The following ZDHHC23 variants were observed in gnomAD, a reference collection of about 807,000 sequenced individuals.
ZDHHC23 encodes palmitoyltransferase ZDHHC23.
A neutral mutation model predicts 40.2 loss-of-function variants in ZDHHC23; 41 were observed. That is an observed-to-expected ratio of 1.02 (90% CI 0.79 to 1.32). The LOEUF is 1.32. Among genes scored for constraint, ZDHHC23 ranks in the 40% most tolerant of loss-of-function variants. The probability of loss-of-function intolerance (pLI) is 0.00; values close to 1 mark genes in which losing one functional copy is unlikely to be tolerated. For missense variants in ZDHHC23, 471 were observed against 541.5 expected, an observed-to-expected ratio of 0.87 and a Z score of 1.29; for synonymous variants, 204 against 210.2, an observed-to-expected ratio of 0.97 and a Z score of 0.26.
chr3:113,953,976 G>C lies in ZDHHC23; in HGVS notation c.438G>C (p.Leu146=). Residue 146 remains leucine, a synonymous_variant, in exon 3 of 5, where the codon CTG becomes CTC. Coordinates refer to ENST00000638807, the MANE Select transcript of ZDHHC23 (RefSeq NM_001320466.2). ...EQTLFFLSLG[L]FSLGYMYYVF... is the part of the protein sequence containing the mutation. ...CCCTGTTTTTCCTGAGCCTTGGACT[G>C]TTCTCTCTGGGCTACATGTACTATG... 3.7e-6 allele frequency: 6 copies of C among 1,614,136 alleles called. No homozygotes were observed. Among genetic ancestry groups the C allele is most frequent in the Non-Finnish European group, 5.1e-6 (6 of 1,180,038 alleles).
At chr3:113,955,962 G>A (rs1489191425) in intron 3 of ZDHHC23, among the ~76,000 whole-genome samples, 2 of 152,204 alleles carry the variant, frequency 1.3e-5, no homozygotes. Flanking sequence ...ACCTTGTCTT[G>A]GCTGGGCGCA....
chr3:113,958,842 T>A lies in ZDHHC23; in HGVS notation c.*212T>A. 1 of 1,381,170 alleles carries A rather than the reference T, an allele frequency of 7.2e-7. No homozygotes were observed. Among genetic ancestry groups the A allele is most frequent in the Non-Finnish European group, 9.5e-7 (1 of 1,049,930 alleles). The allele number at this position is 1,381,170 out of a possible 1,614,324, so 85.6% of individuals were successfully genotyped here. ...AGGCAGTAAAAGTAGAGCCATTCCT[T>A]TCCAGTCACCTTTTTAATTGACTCA... is the stretch of plus-strand genomic sequence containing the variant. On this transcript the variant is annotated 3_prime_UTR_variant, in exon 5 of 5. Transcript: ENST00000638807.
Position 113,959,590 on chromosome 3 carries a change from T to C in ZDHHC23, c.*960T>C, listed in dbSNP as rs1196956275. ...AGACACTCCTGTGGGGATGCTTTACTCTCTTTTCTGGTAGGAAGGCTGAGT... is the reference window on the plus strand; with the variant it reads ...AGACACTCCTGTGGGGATGCTTTACCCTCTTTTCTGGTAGGAAGGCTGAGT... On this transcript the variant is annotated 3_prime_UTR_variant, in exon 5 of 5. Coordinates refer to ENST00000638807, the MANE Select transcript of ZDHHC23 (RefSeq NM_001320466.2). 6 of 1,219,274 alleles carry C rather than the reference T, an allele frequency of 4.9e-6. No homozygotes were observed. The highest frequency in any genetic ancestry group is 1.5e-5 in the African/African-American group (1 of 65,146). 75.5% of individuals were successfully genotyped at this position (1,219,274 alleles called of 1,614,324 possible).
chr3:113,963,671 G>A (rs1174353596), downstream of ZDHHC23, among the ~76,000 whole-genome samples: 15 of 151,510 alleles, frequency 9.9e-5, no homozygotes, highest in Admixed American at 5.9e-4. Flanking sequence ...GAGAGGTCCA[G>A]GATTCAGTGA....
the ZDHHC23 span, among the ~76,000 whole-genome samples, chr3:113,970,781 T>C: frequency 1.3e-5 from 2 of 151,600 alleles, no homozygotes; most frequent in Admixed American, 6.6e-5. Context: ...TGTGTTCTCA[T>C]TGTCCAATTC....
Position 113,958,798 on chromosome 3 carries a change from T to G in ZDHHC23, c.*168T>G. ...AAGTTAATTTTTCTGACGCCACAAC[T>G]TAAGAGACTTTTATACTGAGGCAGT... On this transcript the variant is annotated 3_prime_UTR_variant, in exon 5 of 5. Transcript: ENST00000638807. 6.7e-7 allele frequency: 1 copy of G among 1,495,044 alleles called. No homozygotes were observed. The highest frequency in any genetic ancestry group is 9.0e-7 in the Non-Finnish European group (1 of 1,116,656). The allele number at this position is 1,495,044 out of a possible 1,614,324, so 92.6% of individuals were successfully genotyped here.
At chr3:113,952,715 A>G (rs1419917055) in intron 2 of ZDHHC23, among the ~76,000 whole-genome samples, 1 of 152,216 alleles carries the variant, frequency 6.6e-6, no homozygotes, top group East Asian at 1.9e-4. Flanking sequence ...TATTGCTCAC[A>G]GTTCTGGAGG....
In ZDHHC23 at chr3:113,953,709, A is replaced by ATGT; in HGVS notation, c.172_174dup (p.Cys58dup). 6.2e-7 allele frequency: 1 copy of ATGT among 1,612,896 alleles called. No homozygotes were observed. On this transcript the variant is annotated inframe_insertion, in exon 3 of 5. Coordinates refer to ENST00000638807, the MANE Select transcript of ZDHHC23 (RefSeq NM_001320466.2). ...TGCTTTTTCTGAATAGATGGATTAC[A>ATGT]TGTAAATCTTTACAGCCAGAGACTT...
chr3:113,952,102 A>G (rs532995938), intron 2 of ZDHHC23, among the ~76,000 whole-genome samples: 2 of 151,862 alleles, frequency 1.3e-5, no homozygotes, highest in African/African-American at 4.8e-5. Context: ...GCGCCATTGC[A>G]CTCCAGCCTG....
the ZDHHC23 span, chr3:113,978,097 C>T: frequency 1.4e-6 from 2 of 1,442,592 alleles, no homozygotes; most frequent in African/African-American, 2.8e-5. Context: ...GCCTCCAGCT[C>T]ATCTCTGCAG....
At chr3:113,970,837 G>A in the ZDHHC23 span, among the ~76,000 whole-genome samples, 36 of 152,102 alleles carry the variant, frequency 2.4e-4, no homozygotes, top group African/African-American at 6.5e-4. Flanking sequence ...TTGTCCTTGC[G>A]ATAGTTTGCT....
At chr3:113,966,585 C>T (rs779054028), downstream of ZDHHC23, among the ~76,000 whole-genome samples, 1 of 152,062 alleles carries the variant, frequency 6.6e-6, no homozygotes, top group Non-Finnish European at 1.5e-5. Context: ...GGCAACGAAG[C>T]GAGAATAGCA....
In ZDHHC23 at chr3:113,961,083, A is replaced by G; in HGVS notation, c.*2453A>G. On this transcript the variant is annotated 3_prime_UTR_variant, in exon 5 of 5. Transcript: ENST00000638807. ...GATGAGTTTATTGTGGAATCTTTGA[A>G]AGGACAAGGCCTCTGTGAATGAATC... 4.4e-6 allele frequency: 1 copy of G among 227,466 alleles called. No homozygotes were observed. Among genetic ancestry groups the G allele is most frequent in the East Asian group, 9.8e-5 (1 of 10,184 alleles). 14.1% of individuals were successfully genotyped at this position (227,466 alleles called of 1,614,324 possible).
chr3:113,958,114 T>A (rs886958845), intron 4 of ZDHHC23, among the ~76,000 whole-genome samples: 8 of 151,802 alleles, frequency 5.3e-5, no homozygotes. Context: ...GGGTACAAAA[T>A]GCAAAAAACA....
At chr3:113,955,387 TGTG>T in intron 3 of ZDHHC23, among the ~76,000 whole-genome samples, 1 of 143,554 alleles carries the variant, frequency 7.0e-6, no homozygotes. Context: ...TGTGTGTGTG[TGTG>T]TGCGTGTGTG....
the ZDHHC23 span, chr3:113,978,806 A>C: frequency 1.9e-6 from 3 of 1,566,422 alleles, no homozygotes; most frequent in South Asian, 1.2e-5. Flanking sequence ...AGTTTTCTTA[A>C]ATAGAATTGA....
chr3:113,968,896 A>T (rs1014603327), downstream of ZDHHC23, among the ~76,000 whole-genome samples: 6 of 152,048 alleles, frequency 3.9e-5, no homozygotes, highest in Non-Finnish European at 5.9e-5. Flanking sequence ...TAATTTATTT[A>T]AAAAAAGAGG....
At chr3:113,978,405 C>A in the ZDHHC23 span, 320 of 1,442,858 alleles carry the variant, frequency 2.2e-4, no homozygotes, top group Non-Finnish European at 3.0e-4. Context: ...ATAAACAGCA[C>A]AAAAGACAGA....
downstream of ZDHHC23, among the ~76,000 whole-genome samples, chr3:113,969,497 C>G (rs1271321611): frequency 3.3e-5 from 5 of 152,194 alleles, no homozygotes; most frequent in Non-Finnish European, 7.4e-5. Flanking sequence ...AGATTTAAAT[C>G]TGTAACCCAT....
Sources: allele counts gnomAD v4.1 joint callset (sites outside exome capture counted in the v4.1 genomes callset), GRCh38; gene constraint gnomAD v4.1.1; transcripts MANE v1.5; gene names NCBI Gene and HGNC (gene_info 2026-07-23, HGNC 2026-07-21).